Variants in PGCKA1 observed in about 807,000 individuals in gnomAD.
PGCKA1 encodes the protein PDCD10 and GCKIII kinases-associated protein 1.
chr4:37,462,211 C>A, the PGCKA1 span, among the ~76,000 whole-genome samples: 3 of 152,022 alleles, frequency 2.0e-5, no homozygotes, highest in African/African-American at 7.2e-5. Context: ...TGAAATAGTT[C>A]TTTATGTAGT....
the PGCKA1 span, chr4:37,557,929 T>C: frequency 0.44 from 67,173 of 152,010 alleles, 15,171 homozygotes; most frequent in African/African-American, 0.52. Context: ...CCCAGTGCCC[T>C]TTAGGAAATG....
the PGCKA1 span, among the ~76,000 whole-genome samples, chr4:37,518,441 C>T: frequency 6.6e-6 from 1 of 152,078 alleles, no homozygotes; most frequent in Non-Finnish European, 1.5e-5. Flanking sequence ...TTCTTATCGC[C>T]TGTCTTTTTT....
the PGCKA1 span, among the ~76,000 whole-genome samples, chr4:37,469,134 C>T: frequency 5.3e-5 from 8 of 152,292 alleles, no homozygotes; most frequent in African/African-American, 1.9e-4. Flanking sequence ...CTAGGAGCAA[C>T]AGGTTGTACC....
chr4:37,515,085 G>T, the PGCKA1 span, among the ~76,000 whole-genome samples: 2 of 152,150 alleles, frequency 1.3e-5, no homozygotes. Context: ...ATGGTCTTAG[G>T]AGGCAGGGCC....
chr4:37,484,113 T>C, the PGCKA1 span, among the ~76,000 whole-genome samples: 1 of 152,198 alleles, frequency 6.6e-6, no homozygotes, highest in South Asian at 2.1e-4. Context: ...GAAATTTATA[T>C]GTTGAAATCC....
chr4:37,518,851 A>G, the PGCKA1 span, among the ~76,000 whole-genome samples: 2 of 152,294 alleles, frequency 1.3e-5, no homozygotes, highest in African/African-American at 4.8e-5. Context: ...GTCCAGACCA[A>G]TGTGCTGAAA....
the PGCKA1 span, among the ~76,000 whole-genome samples, chr4:37,522,827 T>C: frequency 4.6e-5 from 7 of 151,936 alleles, no homozygotes; most frequent in Admixed American, 6.6e-5. Flanking sequence ...AGCTGCCCTA[T>C]CATACTGTGG....
At chr4:37,556,115 A>G in the PGCKA1 span, among the ~76,000 whole-genome samples, 1 of 152,210 alleles carries the variant, frequency 6.6e-6, no homozygotes, top group African/African-American at 2.4e-5. Context: ...CTTGTCACAC[A>G]GTAGGAATTC....
the PGCKA1 span, among the ~76,000 whole-genome samples, chr4:37,542,050 C>G: frequency 6.6e-6 from 1 of 152,152 alleles, no homozygotes; most frequent in African/African-American, 2.4e-5. Flanking sequence ...AGGTCTCAAT[C>G]CCCTGTACAG....
the PGCKA1 span, among the ~76,000 whole-genome samples, chr4:37,593,327 C>T: frequency 1.0e-3 from 159 of 152,132 alleles, no homozygotes; most frequent in African/African-American, 3.5e-3. Context: ...ATCACTGGCC[C>T]GTGTATCAAT....
At chr4:37,494,076 T>G in the PGCKA1 span, among the ~76,000 whole-genome samples, 1 of 152,194 alleles carries the variant, frequency 6.6e-6, no homozygotes, top group African/African-American at 2.4e-5. Context: ...TTTCCTTTCT[T>G]TGGGGTATAT....
chr4:37,486,396 A>G, the PGCKA1 span, among the ~76,000 whole-genome samples: 2 of 152,204 alleles, frequency 1.3e-5, no homozygotes, highest in Non-Finnish European at 2.9e-5. Flanking sequence ...TTAGGGAAAT[A>G]TATTTCAAAA....
At chr4:37,484,694 T>C in the PGCKA1 span, among the ~76,000 whole-genome samples, 1 of 152,246 alleles carries the variant, frequency 6.6e-6, no homozygotes, top group South Asian at 2.1e-4. Context: ...CCAGTATTTC[T>C]TTATAGCAAT....
chr4:37,548,182 TA>T, the PGCKA1 span, among the ~76,000 whole-genome samples: 27,311 of 151,742 alleles, frequency 0.18, 2,784 homozygotes, highest in East Asian at 0.43. Flanking sequence ...AAAAAAGTTA[TA>T]AAAAAAAGTT....
the PGCKA1 span, among the ~76,000 whole-genome samples, chr4:37,540,150 G>A: frequency 3.9e-5 from 6 of 152,248 alleles, no homozygotes; most frequent in African/African-American, 1.4e-4. Flanking sequence ...ACTGATTATG[G>A]TTGACCTTTT....
At chr4:37,582,392 A>G in the PGCKA1 span, among the ~76,000 whole-genome samples, 1 of 152,274 alleles carries the variant, frequency 6.6e-6, no homozygotes, top group East Asian at 1.9e-4. Context: ...CCCCAGTACA[A>G]TGTTCAAAAG....
chr4:37,468,635 G>T, the PGCKA1 span, among the ~76,000 whole-genome samples: 1 of 152,128 alleles, frequency 6.6e-6, no homozygotes, highest in South Asian at 2.1e-4. Context: ...CAAATTTGGT[G>T]TGTTTGTTTC....
At chr4:37,512,870 C>T in the PGCKA1 span, among the ~76,000 whole-genome samples, 1 of 152,074 alleles carries the variant, frequency 6.6e-6, no homozygotes, top group African/African-American at 2.4e-5. Flanking sequence ...GGGCAGATCA[C>T]CTGAGGTCGG....
chr4:37,506,043 T>G, the PGCKA1 span, among the ~76,000 whole-genome samples: 2 of 152,248 alleles, frequency 1.3e-5, no homozygotes. Context: ...AATTTATCCA[T>G]ATCTTCTAGA....
Sources: allele counts gnomAD v4.1 joint callset (sites outside exome capture counted in the v4.1 genomes callset), GRCh38; gene constraint gnomAD v4.1.1; transcripts MANE v1.5; gene names NCBI Gene and HGNC (gene_info 2026-07-23, HGNC 2026-07-21).